TRIP11: variants seen among roughly 807,000 people sequenced by gnomAD.
TRIP11 encodes the protein thyroid receptor-interacting protein 11.
In TRIP11, 148 loss-of-function variants were observed where a neutral mutation model predicts 223.1. The ratio of observed to expected loss-of-function variants is 0.66; its 90% CI spans 0.58 to 0.76. The LOEUF (loss-of-function observed/expected upper bound fraction) is 0.76. TRIP11 is among the 30% of genes least tolerant of loss of function. The pLI, the probability that TRIP11 is intolerant of heterozygous loss-of-function variation, is 0.00. For missense variants in TRIP11, 2,043 were observed against 2,222.0 expected (o/e 0.92, Z 1.62); for synonymous variants, 762 against 772.6 (o/e 0.99, Z 0.23).
In TRIP11 at chr14:91,976,010, A is replaced by T. The variant is rs1027967732; in HGVS notation, c.5342+98T>A. The T allele has an allele frequency of 1.1e-4, 136 of 1,208,278 alleles. 1 individual carries two copies. In the Middle Eastern group the frequency reaches 1.2e-3, roughly 11 times the overall value. The allele number at this position is 1,208,278 out of a possible 1,614,324, so 74.8% of individuals were successfully genotyped here. A position where few individuals can be genotyped will look rare whatever the true frequency, so the allele number is the denominator to read the frequency against. On this transcript the variant is annotated intron_variant, in intron 17 of 20. Coordinates refer to ENST00000267622, the MANE Select transcript of TRIP11 (RefSeq NM_004239.4). ...AGTGAGGGGAAAAAAGGCTTTTGAA[A>T]AATTTAATCACATATAAACATCTAC...
At chr14:91,990,673 T>C (rs1266742176) in intron 15 of TRIP11, among the ~76,000 whole-genome samples, 6 of 152,134 alleles carry the variant, frequency 3.9e-5, no homozygotes, top group Admixed American at 1.3e-4. Flanking sequence ...AGATTTCATC[T>C]CTAATTAAAA....
At chr14:92,000,623 A>C (rs937940504) in intron 11 of TRIP11, among the ~76,000 whole-genome samples, 4 of 152,230 alleles carry the variant, frequency 2.6e-5, no homozygotes, top group African/African-American at 4.8e-5. Context: ...AAAGGAACCC[A>C]AAGGACAAAA....
intron 7 of TRIP11, 146 bp downstream of exon 7, chr14:92,014,069 A>C: frequency 8.4e-7 from 1 of 1,190,396 alleles, no homozygotes; most frequent in Non-Finnish European, 1.2e-6. Flanking sequence ...CTGAATCCAA[A>C]CCACACAATT....
chr14:92,024,639 T>A (rs1350071993), intron 3 of TRIP11, among the ~76,000 whole-genome samples: 4 of 152,132 alleles, frequency 2.6e-5, no homozygotes, highest in Non-Finnish European at 5.9e-5. Context: ...AAAGTTATGG[T>A]AGAAATGAAC....
At position 91,969,798 on chromosome 14, in the gene TRIP11, C is replaced by G; in HGVS notation, c.5815G>C (p.Gly1939Arg). ...AVPLINPAGLGPGGPGHLLLK... is the reference protein window; with the variant it reads ...AVPLINPAGLRPGGPGHLLLK... Reference sequence around the variant, plus strand: ...AGAAGATGCCCGGGCCCACCAGGTCCAAGTCCAGCTGGGTTAATAAGAGGT... The same window carrying G: ...AGAAGATGCCCGGGCCCACCAGGTCGAAGTCCAGCTGGGTTAATAAGAGGT... The change falls in exon 21 of 21, where the codon GGA becomes CGA. Residue 1939 changes from glycine to arginine, a missense_variant. Gly to Arg is a moderately radical substitution (Grantham distance 125). Transcript: ENST00000267622. 6.2e-7 allele frequency: 1 copy of G among 1,614,144 alleles called. No individual in the cohort carries two copies. Among genetic ancestry groups the G allele is most frequent in the East Asian group, 2.2e-5 (1 of 44,878 alleles).
rs980358776 is a variant in TRIP11, at chr14:92,004,696, A to G, written c.3280T>C (p.Tyr1094His). Residue 1094 changes from tyrosine to histidine, a missense_variant, in exon 11 of 21, where the codon TAT (tyrosine) becomes CAT (histidine). Tyr to His is a moderately conservative substitution (Grantham distance 83). Transcript: ENST00000267622. Reference sequence around the variant, plus strand: ...AATACCTTTTCTCTTTCCATAGCATAAGCCTGCAGTTGCTGTTGAAGGTAA... The same window carrying G: ...AATACCTTTTCTCTTTCCATAGCATGAGCCTGCAGTTGCTGTTGAAGGTAA... ...VVYLQQQLQAYAMEREKVFAV... is the reference protein window; with the variant it reads ...VVYLQQQLQAHAMEREKVFAV... The G allele has an allele frequency of 6.2e-7, 1 of 1,614,142 alleles. No individual in the cohort carries two copies. The highest frequency in any genetic ancestry group is 8.5e-7 in the Non-Finnish European group (1 of 1,180,010).
intron 13 of TRIP11, 128 bp downstream of exon 13, chr14:91,999,112 A>G (rs2056787909): frequency 9.4e-7 from 1 of 1,066,624 alleles, no homozygotes; most frequent in East Asian, 2.6e-5. Context: ...CTTTACCTTC[A>G]GTTTCTTCAT....
In TRIP11 at chr14:92,000,161, T is replaced by C. The variant is rs1240814961; in HGVS notation, c.4558-53A>G. ...AAAAAACACACACACACACATATTT[T>C]AAAAGAGACATTTTCTTCACTCAAT... On this transcript the variant is annotated intron_variant, in intron 11 of 20. Coordinates refer to ENST00000267622, the MANE Select transcript of TRIP11 (RefSeq NM_004239.4). 6 of 1,606,640 alleles carry C rather than the reference T, an allele frequency of 3.7e-6. No individual in the cohort carries two copies. The Admixed American group carries it at 6.7e-5, about 18-fold the overall frequency.
rs1180573664 is a variant in TRIP11 at position 92,026,905 on chromosome 14, G to C, written c.202-1485C>G. On this transcript the variant is annotated intron_variant, in intron 2 of 20. Coordinates refer to ENST00000267622, the MANE Select transcript of TRIP11 (RefSeq NM_004239.4). ...ATGACTAGACAGCAAAAAAGGAAAAGTTAAACTAAAAAAAAGGCCGCCGCG... is the reference window on the plus strand; with the variant it reads ...ATGACTAGACAGCAAAAAAGGAAAACTTAAACTAAAAAAAAGGCCGCCGCG... 1.5e-5 allele frequency: 23 copies of C among 1,483,988 alleles called. No homozygotes were observed. The Admixed American group carries it at 4.5e-4, about 29-fold the overall frequency. The allele number at this position is 1,483,988 out of a possible 1,614,324, so 91.9% of individuals were successfully genotyped here. A position where few individuals can be genotyped will look rare whatever the true frequency, so the allele number is the denominator to read the frequency against.
At position 92,021,544 on chromosome 14, in the gene TRIP11, A is replaced by T; in HGVS notation, c.588+12T>A. ...TCAAAGTTTTCAAAAACTCTAAAAA[A>T]TTTTTATCTACCTGAGCAATATGCC... On this transcript the variant is annotated intron_variant, in intron 4 of 20. Transcript: ENST00000267622. 1 of 1,613,630 alleles carries T rather than the reference A, an allele frequency of 6.2e-7. No individual in the cohort carries two copies. The highest frequency in any genetic ancestry group is 8.5e-7 in the Non-Finnish European group (1 of 1,179,940).
At chr14:92,021,423 G>A (rs972426385) in intron 4 of TRIP11, 133 bp downstream of exon 4, 13 of 833,598 alleles carry the variant, frequency 1.6e-5, no homozygotes, top group Non-Finnish European at 2.0e-5. Flanking sequence ...AGTCACTGAC[G>A]GAATTAGAAT....
At position 91,978,247 on chromosome 14, in the gene TRIP11, G is replaced by A. The variant is rs533126831; in HGVS notation, c.5261-2058C>T. Among the ~76,000 whole-genome samples, 9 of 152,048 alleles carry A rather than the reference G, an allele frequency of 5.9e-5. No individual in the cohort carries two copies. The South Asian group carries it at 1.2e-3, about 21-fold the overall frequency. On this transcript the variant is annotated intron_variant, in intron 16 of 20. Transcript: ENST00000267622. The surrounding 1 kb of genome is among the most constrained non-coding windows in gnomAD (Gnocchi z 4.4). ...CTCTCGTCACTGTTTTGACTTAACC[G>A]TCCCACTCACAAACTAAAGTAGGAG...
At chr14:91,970,796 G>T (rs901572047) in intron 20 of TRIP11, among the ~76,000 whole-genome samples, 5 of 152,156 alleles carry the variant, frequency 3.3e-5, no homozygotes, top group Non-Finnish European at 7.3e-5. Flanking sequence ...TGTAACTGAT[G>T]AACTTCATTT....
chr14:91,993,886 G>A lies in TRIP11; in HGVS notation c.5083C>T (p.Leu1695Phe). The part of the protein sequence containing the change: ...QEEKAMYSAE[L>F]EKQKQLIAEW... ...GCTATAAGCTGTTTTTGCTTTTCGA[G>A]TTCAGCAGAATACATAGCTTTTTCC... Residue 1695 changes from leucine to phenylalanine, a missense_variant, in exon 15 of 21, where the codon CTC (leucine) becomes TTC (phenylalanine). Physicochemically the swap from Leu to Phe is conservative, Grantham distance 22 (BLOSUM62 0). Coordinates refer to ENST00000267622, the MANE Select transcript of TRIP11 (RefSeq NM_004239.4). 6.2e-7 allele frequency: 1 copy of A among 1,613,356 alleles called. No individual in the cohort carries two copies. The highest frequency in any genetic ancestry group is 8.5e-7 in the Non-Finnish European group (1 of 1,179,842).
At position 92,029,280 on chromosome 14, in the gene TRIP11, A is replaced by ATTTTTTTTTTTTT. The variant is rs60778253; in HGVS notation, c.202-3873_202-3861dup. Among the ~76,000 whole-genome samples the ATTTTTTTTTTTTT allele has an allele frequency of 7.8e-5, 6 of 76,800 alleles. 1 individual carries two copies. The highest frequency in any genetic ancestry group is 1.7e-4 in the African/African-American group (3 of 17,298). The allele number at this position is 76,800 out of a possible 152,430, so 50.4% of individuals were successfully genotyped here. ...TTCTGACTGCATTGCCCAAAGTATT[A>ATTTTTTTTTTTTT]TTTTTTTTTTTTTTTTTTTTTTTTT... On this transcript the variant is annotated intron_variant, in intron 2 of 20. Coordinates refer to ENST00000267622, the MANE Select transcript of TRIP11 (RefSeq NM_004239.4).
rs1266547585 is a variant in TRIP11, at chr14:91,974,629, T to G, written c.5572A>C (p.Ser1858Arg). 6.2e-7 allele frequency: 1 copy of G among 1,609,952 alleles called. No individual in the cohort carries two copies. The highest frequency in any genetic ancestry group is 1.7e-5 in the Admixed American group (1 of 60,032). ...LRPNQQSVVN[S>R]SFSELFVKFL... is the part of the protein sequence containing the mutation. Reference sequence around the variant, plus strand: ...GCAAGAATAAAATTGTTTCTTACACTATTAACCACAGATTGCTGATTTGGT... The same window carrying G: ...GCAAGAATAAAATTGTTTCTTACACGATTAACCACAGATTGCTGATTTGGT... Residue 1858 changes from serine (S) to arginine (R), a missense_variant and splice_region_variant, in exon 19 of 21, where the codon AGT (serine) becomes CGT (arginine). Ser to Arg is a moderately radical substitution (Grantham distance 110). Transcript: ENST00000267622.
chr14:92,018,966 AAAAAAAAAAAAAC>A (rs1187542356), intron 4 of TRIP11, among the ~76,000 whole-genome samples: 57 of 150,798 alleles, frequency 3.8e-4, no homozygotes, highest in Non-Finnish European at 6.2e-4. Flanking sequence ...ATCTCAAAAA[AAAAAAAAAAAAAC>A]AAAAAAAAAA....
chr14:92,034,609 G>A (rs7160725), intron 1 of TRIP11, among the ~76,000 whole-genome samples: 1,996 of 152,196 alleles, frequency 0.013, 28 homozygotes, highest in African/African-American at 0.045. Context: ...TATTAAAAAT[G>A]GGAATGAGCT....
chr14:91,993,696 G>T, intron 15 of TRIP11, 113 bp downstream of exon 15: 1 of 853,158 alleles, frequency 1.2e-6, no homozygotes, highest in Non-Finnish European at 1.9e-6. Flanking sequence ...GCTGGATTCA[G>T]GGTAGAAAAT....
Sources: gnomAD v4.1 joint callset for allele counts (sites outside exome capture counted in the v4.1 genomes callset) on GRCh38, gnomAD v4.1.1 for gene constraint, Gnocchi (gnomAD v3.1) non-coding constraint, MANE v1.5 for transcripts, NCBI Gene and HGNC (gene_info 2026-07-23, HGNC 2026-07-21) for gene names.